The following CDK12 variants were observed in gnomAD, a reference collection of about 807,000 sequenced individuals.
CDK12 encodes cyclin dependent kinase 12.
Under a neutral mutation model 133.8 loss-of-function variants are expected in CDK12, and 17 were observed. That is an observed-to-expected ratio of 0.13 (90% CI 0.09 to 0.19). CDK12 has a LOEUF of 0.19. Among genes scored for constraint, CDK12 ranks in the 10% least tolerant of loss-of-function variants. CDK12 has a pLI of 1.00. For synonymous variants in CDK12, 694 were observed against 683.6 expected (o/e 1.02, Z -0.24); for missense variants, 1,508 against 1,818.7 (o/e 0.83, Z 3.11).
At chr17:39,526,963 T>C (rs771752413) in intron 13 of CDK12, among the ~76,000 whole-genome samples, 14 of 151,988 alleles carry the variant, frequency 9.2e-5, no homozygotes, top group Non-Finnish European at 2.1e-4. Context: ...AAAAGGAAAA[T>C]GGGGATAAGT....
chr17:39,561,474 A>C (rs979812394), intron 3 of CDK12, among the ~76,000 whole-genome samples: 2 of 152,198 alleles, frequency 1.3e-5, no homozygotes, highest in African/African-American at 4.8e-5. Context: ...ACCGTTCTTC[A>C]TGGCAACTGA....
At chr17:39,522,179 G>A (rs1001634405) in intron 11 of CDK12, among the ~76,000 whole-genome samples, 5 of 150,020 alleles carry the variant, frequency 3.3e-5, no homozygotes, top group Non-Finnish European at 7.4e-5. Context: ...GTGTGATCTC[G>A]ACTCACCACA....
At chr17:39,475,652 T>G (rs2050137480) in intron 2 of CDK12, among the ~76,000 whole-genome samples, 1 of 151,488 alleles carries the variant, frequency 6.6e-6, no homozygotes, top group Non-Finnish European at 1.5e-5. Context: ...TTCAGGCGAT[T>G]CTTCTACCTT....
chr17:39,524,235 G>GTTTT (rs1417958050), intron 11 of CDK12, among the ~76,000 whole-genome samples: 2 of 152,176 alleles, frequency 1.3e-5, no homozygotes, highest in East Asian at 3.9e-4. Flanking sequence ...GCACAGAGAT[G>GTTTT]TTTTGATCAT....
chr17:39,486,253 CTTTTTTTTTT>C (rs35710234), intron 2 of CDK12, among the ~76,000 whole-genome samples: 1 of 86,534 alleles, frequency 1.2e-5, no homozygotes, highest in South Asian at 5.1e-4. Context: ...CACCCTGCCT[CTTTTTTTTTT>C]TTTTTTTTTT....
Position 39,462,933 on chromosome 17 carries a change from A to C in CDK12, c.862A>C (p.Ser288Arg). ...PYKEPSAYQS[S>R]TRSPSPYSRR... ...CAAGGAGCCTTCGGCCTACCAGTCC[A>C]GCACCCGGTCACCGAGCCCCTACAG... Residue 288 changes from serine (S) to arginine (R), a missense_variant, in exon 1 of 14, where the codon AGC becomes CGC. Ser to Arg is a moderately radical substitution (Grantham distance 110). Around this residue, in one of 9 missense-constraint regions of CDK12, gnomAD observed 460 missense variants for 490.8 expected, o/e 0.94. Coordinates refer to ENST00000447079, the MANE Select transcript of CDK12 (RefSeq NM_016507.4). The C allele has an allele frequency of 6.2e-7, 1 of 1,614,210 alleles. No homozygotes were observed. Among genetic ancestry groups the C allele is most frequent in the Non-Finnish European group, 8.5e-7 (1 of 1,180,034 alleles).
At chr17:39,544,652 G>A (rs1322864436), upstream of CDK12, among the ~76,000 whole-genome samples, 1 of 122,832 alleles carries the variant, frequency 8.1e-6, no homozygotes, top group Non-Finnish European at 1.7e-5. Context: ...TTTTTTTTAT[G>A]GAGTTTTGCT....
At chr17:39,510,091 C>T (rs72827114) in intron 7 of CDK12, among the ~76,000 whole-genome samples, 8,056 of 150,636 alleles carry the variant, frequency 0.053, 235 homozygotes, top group Non-Finnish European at 0.078. Context: ...CATGAGCCAC[C>T]GCACCTGGGC....
intron 6 of CDK12, among the ~76,000 whole-genome samples, chr17:39,504,260 G>A (rs2052937096): frequency 6.6e-6 from 1 of 152,190 alleles, no homozygotes; most frequent in Non-Finnish European, 1.5e-5. Flanking sequence ...AATAGCATAT[G>A]GTCATTTGGG....
chr17:39,518,777 T>G (rs999575481), intron 10 of CDK12, among the ~76,000 whole-genome samples: 1 of 152,120 alleles, frequency 6.6e-6, no homozygotes, highest in Non-Finnish European at 1.5e-5. Flanking sequence ...CAGGCTGGTC[T>G]TGAACTCCTG....
At chr17:39,516,253 A>G (rs1226174192) in intron 9 of CDK12, among the ~76,000 whole-genome samples, 1 of 152,238 alleles carries the variant, frequency 6.6e-6, no homozygotes, top group Non-Finnish European at 1.5e-5. Context: ...AACCTATAAT[A>G]GAAAATATGG....
rs770631195 is a variant in CDK12 at position 39,462,107 on chromosome 17, C to T, written c.36C>T (p.Asp12=). ...PNSERHGGKK[D]GSGGASGTLQ... ...CAGAGAGACATGGGGGCAAGAAGGA[C>T]GGGAGTGGAGGAGCTTCTGGAACTT... Residue 12 remains aspartate (D), a synonymous_variant, in exon 1 of 14, where the codon GAC becomes GAT. Transcript: ENST00000447079. 17 of 1,614,046 alleles carry T rather than the reference C, an allele frequency of 1.1e-5. No individual in the cohort carries two copies. The highest frequency in any genetic ancestry group is 1.4e-5 in the Non-Finnish European group (17 of 1,179,960).
chr17:39,499,218 T>TCTTTCTTTC (rs2052522000), intron 5 of CDK12, among the ~76,000 whole-genome samples: 1 of 106,752 alleles, frequency 9.4e-6, no homozygotes, highest in Non-Finnish European at 1.8e-5. Flanking sequence ...CTTTTTTTTT[T>TCTTTCTTTC]TTTTTTGAGA....
chr17:39,534,404 A>G lies in CDK12; in HGVS notation c.*3088A>G, dbSNP rs559096473. 6 of 232,784 alleles carry G rather than the reference A, an allele frequency of 2.6e-5. No individual in the cohort carries two copies. The highest frequency in any genetic ancestry group is 1.3e-4 in the African/African-American group (6 of 45,434). The allele number at this position is 232,784 out of a possible 1,614,324, so 14.4% of individuals were successfully genotyped here. ...TCCCTGATTTAGGTTCCTGACACTG[A>G]TTCCTTTCTCTCTCGTTTTTGACCC... On this transcript the variant is annotated 3_prime_UTR_variant, in exon 14 of 14. Coordinates refer to ENST00000447079, the MANE Select transcript of CDK12 (RefSeq NM_016507.4).
intron 2 of CDK12, among the ~76,000 whole-genome samples, chr17:39,485,122 A>G (rs1045251820): frequency 9.3e-5 from 14 of 149,738 alleles, no homozygotes; most frequent in African/African-American, 3.2e-4. Context: ...GTGAGCTGAG[A>G]TCGCGCCACT....
intron 2 of CDK12, among the ~76,000 whole-genome samples, chr17:39,473,318 T>C (rs2049944101): frequency 6.6e-6 from 1 of 152,184 alleles, no homozygotes; most frequent in African/African-American, 2.4e-5. Context: ...ATATGTAAAG[T>C]ATTTGCTAAT....
At chr17:39,524,401 A>G (rs532205311) in intron 11 of CDK12, among the ~76,000 whole-genome samples, 77 of 152,320 alleles carry the variant, frequency 5.1e-4, no homozygotes, top group Non-Finnish European at 7.6e-4. Context: ...CAGTATTTAT[A>G]TGGGAATTTA....
At chr17:39,537,654 C>G (rs972253249), downstream of CDK12, among the ~76,000 whole-genome samples, 10 of 149,502 alleles carry the variant, frequency 6.7e-5, no homozygotes, top group Admixed American at 5.3e-4. Flanking sequence ...CCTCCACCTC[C>G]CAGGTTCCAG....
upstream of CDK12, among the ~76,000 whole-genome samples, chr17:39,543,106 G>A (rs1275894958): frequency 1.3e-5 from 2 of 152,210 alleles, no homozygotes; most frequent in Non-Finnish European, 2.9e-5. Flanking sequence ...TATGGTGGCG[G>A]AAGGGGGTCC....
Sources: allele counts gnomAD v4.1 joint callset (sites outside exome capture counted in the v4.1 genomes callset), GRCh38; gene constraint gnomAD v4.1.1; regional missense constraint gnomAD v4.1.1; transcripts MANE v1.5; gene names NCBI Gene and HGNC (gene_info 2026-07-23, HGNC 2026-07-21).